Variants in MED15 observed in about 807,000 individuals in gnomAD.
MED15 encodes mediator of RNA polymerase II transcription subunit 15.
Under a neutral mutation model 118.7 loss-of-function variants are expected in MED15, and 41 were observed. The ratio of observed to expected loss-of-function variants is 0.35; its 90% CI spans 0.27 to 0.45. MED15 has a LOEUF of 0.45. Among genes scored for constraint, MED15 ranks in the 20% least tolerant of loss-of-function variants. The probability of loss-of-function intolerance (pLI) is 1.00; values close to 1 mark genes in which losing one functional copy is unlikely to be tolerated. For synonymous variants in MED15, 436 were observed against 413.9 expected (o/e 1.05, Z -0.65); for missense variants, 740 against 1,025.5 (o/e 0.72, Z 3.80).
chr22:20,558,788 G>C (rs2056117608), intron 5 of MED15, among the ~76,000 whole-genome samples: 1 of 152,112 alleles, frequency 6.6e-6, no homozygotes, highest in East Asian at 1.9e-4. Flanking sequence ...GGTGCAGATT[G>C]GAGCAGGTGC....
intron 4 of MED15, 50 bp from the exon 5 acceptor site, chr22:20,554,886 T>G: frequency 6.6e-7 from 1 of 1,525,398 alleles, no homozygotes; most frequent in Non-Finnish European, 8.8e-7. Context: ...TGAGCCATGG[T>G]CAGTCTGGTA....
chr22:20,521,349 G>C (rs1000273188), intron 1 of MED15, among the ~76,000 whole-genome samples: 3 of 150,862 alleles, frequency 2.0e-5, no homozygotes, highest in Non-Finnish European at 4.4e-5. Context: ...CACCCACCTC[G>C]GCCTCCCAAA....
At chr22:20,508,275 G>A in intron 1 of MED15, 8 of 1,298,834 alleles carry the variant, frequency 6.2e-6, no homozygotes, top group Non-Finnish European at 8.1e-6. Context: ...GCCGAAGGAT[G>A]GCAGGAAGCC....
chr22:20,544,923 T>C (rs985910043), intron 2 of MED15, among the ~76,000 whole-genome samples: 6 of 152,208 alleles, frequency 3.9e-5, no homozygotes, highest in African/African-American at 1.2e-4. Context: ...GTGTGTGAAC[T>C]TTCCTTCTGC....
chr22:20,560,961 A>T (rs2056215051), intron 5 of MED15, among the ~76,000 whole-genome samples: 1 of 152,244 alleles, frequency 6.6e-6, no homozygotes, highest in Admixed American at 6.5e-5. Flanking sequence ...GCAGGGAGAT[A>T]GAGCGTGAAT....
chr22:20,555,909 G>C (rs2055983972), intron 5 of MED15, among the ~76,000 whole-genome samples: 1 of 152,204 alleles, frequency 6.6e-6, no homozygotes, highest in African/African-American at 2.4e-5. Context: ...TTTTTGTAGA[G>C]ATGGGACTTC....
chr22:20,582,198 C>T (rs1016840215), intron 9 of MED15: 21 of 257,946 alleles, frequency 8.1e-5, no homozygotes, highest in Non-Finnish European at 1.6e-4. Flanking sequence ...GGAAGACGGT[C>T]CCACTGGTCA....
intron 17 of MED15, among the ~76,000 whole-genome samples, chr22:20,586,078 G>A (rs970187022): frequency 6.6e-6 from 1 of 152,208 alleles, no homozygotes; most frequent in African/African-American, 2.4e-5. Context: ...AGCTGTCCAG[G>A]GTGGTTGTGT....
chr22:20,582,792 T>C (rs1487002501), intron 10 of MED15, 45 bp downstream of exon 10: 4 of 1,597,176 alleles, frequency 2.5e-6, no homozygotes, highest in Non-Finnish European at 3.4e-6. Flanking sequence ...CCCTCGAGGC[T>C]GGCCCTGCCT....
chr22:20,585,055 C>T (rs1389357027), intron 15 of MED15, 40 bp downstream of exon 15: 13 of 1,613,510 alleles, frequency 8.1e-6, no homozygotes, highest in Non-Finnish European at 1.1e-5. Context: ...GGGCGGCCAG[C>T]CCTGGGCCGC....
intron 1 of MED15, among the ~76,000 whole-genome samples, chr22:20,531,276 A>G (rs1022798173): frequency 6.6e-6 from 1 of 152,232 alleles, no homozygotes. Context: ...TCAATTTGGA[A>G]TAGGAAGGAG....
At chr22:20,573,275 T>C (rs755228557) in intron 8 of MED15, among the ~76,000 whole-genome samples, 1 of 152,246 alleles carries the variant, frequency 6.6e-6, no homozygotes, top group African/African-American at 2.4e-5. Flanking sequence ...GCCATGCATC[T>C]CATTTTCAAA....
chr22:20,514,064 C>T (rs1364543385), intron 1 of MED15, among the ~76,000 whole-genome samples: 2 of 152,136 alleles, frequency 1.3e-5, no homozygotes, highest in Non-Finnish European at 2.9e-5. Context: ...CAGGGTTTCA[C>T]CATGTCTCCC....
At chr22:20,560,368 G>A (rs1209437411) in intron 5 of MED15, among the ~76,000 whole-genome samples, 9 of 152,034 alleles carry the variant, frequency 5.9e-5, no homozygotes, top group African/African-American at 2.2e-4. Context: ...AGGTTCAAGC[G>A]ATTCTCCTGC....
chr22:20,551,283 G>C (rs750251292), intron 2 of MED15, 153 bp from the exon 3 acceptor site: 4 of 786,730 alleles, frequency 5.1e-6, no homozygotes, highest in Non-Finnish European at 9.3e-6. Context: ...TCTCTTCCGA[G>C]AGGCGGATTC....
intron 13 of MED15, 52 bp from the exon 14 acceptor site, chr22:20,584,307 T>G: frequency 1.3e-6 from 2 of 1,582,944 alleles, no homozygotes; most frequent in Admixed American, 1.7e-5. Context: ...ATCCTGAGCC[T>G]GAGAACTGCC....
chr22:20,541,466 G>A (rs942370953), intron 2 of MED15, among the ~76,000 whole-genome samples: 1 of 152,028 alleles, frequency 6.6e-6, no homozygotes, highest in Non-Finnish European at 1.5e-5. Flanking sequence ...AATAAGCGTT[G>A]GCAAAGATGT....
At chr22:20,543,272 C>T (rs147394731) in intron 2 of MED15, among the ~76,000 whole-genome samples, 2,938 of 122,280 alleles carry the variant, frequency 0.024, 126 homozygotes, top group African/African-American at 0.089. Flanking sequence ...AGTGCAGTGG[C>T]GTGATCTCAG....
rs201306144 is a variant in MED15, at chr22:20,585,715, T to G, written c.2132-13T>G. On this transcript the variant is annotated splice_polypyrimidine_tract_variant and intron_variant, in intron 16 of 17. Transcript: ENST00000263205. The stretch of plus-strand genomic sequence containing the variant: ...GCTTGTCCAGGTCACAGATAGAGCC[T>G]TCTGTGTTGCAGATGACAAGGACCT... The G allele has an allele frequency of 8.1e-6, 13 of 1,610,692 alleles. No homozygotes were observed. Among genetic ancestry groups the G allele is most frequent in the Admixed American group, 1.7e-5 (1 of 60,006 alleles).
Sources: gnomAD v4.1 joint callset for allele counts (sites outside exome capture counted in the v4.1 genomes callset) on GRCh38, gnomAD v4.1.1 for gene constraint, MANE v1.5 for transcripts, NCBI Gene and HGNC (gene_info 2026-07-23, HGNC 2026-07-21) for gene names.